The following EDIL3 variants were observed in gnomAD, a reference collection of about 807,000 sequenced individuals.
EDIL3 encodes the protein EGF like and discoidin domains 3, also known as EGF-like repeat and discoidin I-like domain-containing protein 3.
A neutral mutation model predicts 67.4 loss-of-function variants in EDIL3; 37 were observed. The observed-to-expected ratio is 0.55, with a 90% confidence interval of 0.42 to 0.72. The LOEUF (loss-of-function observed/expected upper bound fraction) is 0.72, where lower values mean the gene tolerates loss of function less well. Among genes scored for constraint, EDIL3 ranks in the 30% least tolerant of loss-of-function variants. The pLI, the probability that EDIL3 is intolerant of heterozygous loss-of-function variation, is 0.00. For synonymous variants in EDIL3, 195 were observed against 196.3 expected, an observed-to-expected ratio of 0.99 and a Z score of 0.05; for missense variants, 527 against 586.3, an observed-to-expected ratio of 0.90 and a Z score of 1.04.
intron 3 of EDIL3, among the ~76,000 whole-genome samples, chr5:84,184,755 G>A (rs1174316570): frequency 4.6e-5 from 7 of 152,204 alleles, no homozygotes; most frequent in Non-Finnish European, 1.0e-4. Flanking sequence ...TGAGGGCACA[G>A]GTGAAGCCTG....
At chr5:84,364,809 T>C (rs1747693003) in intron 1 of EDIL3, among the ~76,000 whole-genome samples, 1 of 152,056 alleles carries the variant, frequency 6.6e-6, no homozygotes, top group African/African-American at 2.4e-5. Flanking sequence ...TAGGTACAAA[T>C]TGATACAAAT....
At chr5:83,967,574 G>C (rs748421917) in intron 9 of EDIL3, among the ~76,000 whole-genome samples, 30 of 152,046 alleles carry the variant, frequency 2.0e-4, no homozygotes, top group South Asian at 1.7e-3. Flanking sequence ...AAACTTTTTT[G>C]TTGTAAAACA....
chr5:84,291,840 T>C (rs1326346306), intron 1 of EDIL3, among the ~76,000 whole-genome samples: 1 of 149,630 alleles, frequency 6.7e-6, no homozygotes, highest in Non-Finnish European at 1.5e-5. Flanking sequence ...CATATATATA[T>C]ATATACCTAC....
At chr5:84,248,045 TA>T (rs1744943799) in intron 2 of EDIL3, among the ~76,000 whole-genome samples, 1 of 152,164 alleles carries the variant, frequency 6.6e-6, no homozygotes, top group African/African-American at 2.4e-5. Flanking sequence ...TTAACTGCTA[TA>T]TCCTCAGTGC....
chr5:84,180,699 C>A (rs577609033), intron 3 of EDIL3, among the ~76,000 whole-genome samples, 178 bp from the exon 4 acceptor site: 1 of 152,258 alleles, frequency 6.6e-6, no homozygotes, highest in African/African-American at 2.4e-5. Flanking sequence ...CTTGGTTTCA[C>A]CACTTCACAG....
intron 6 of EDIL3, among the ~76,000 whole-genome samples, chr5:84,080,298 C>CAAGAAAAAAAAAA (rs1746941141): frequency 1.8e-5 from 1 of 54,284 alleles, no homozygotes; most frequent in Admixed American, 2.6e-4. Flanking sequence ...GACTCTGTCT[C>CAAGAAAAAAAAAA]AAAAAAAAAA....
intron 1 of EDIL3, among the ~76,000 whole-genome samples, chr5:84,370,587 T>C (rs979364306): frequency 2.6e-5 from 4 of 152,170 alleles, no homozygotes; most frequent in African/African-American, 9.7e-5. Context: ...GATAATAAAA[T>C]AAATAAAGTT....
intron 3 of EDIL3, among the ~76,000 whole-genome samples, chr5:84,205,768 T>C (rs347346): frequency 0.54 from 81,688 of 151,854 alleles, 22,149 homozygotes; most frequent in East Asian, 0.71. Context: ...ATCACCTTTA[T>C]CATTTTTTAT....
intron 9 of EDIL3, among the ~76,000 whole-genome samples, chr5:83,997,853 T>G (rs1397010680): frequency 1.3e-5 from 2 of 152,108 alleles, no homozygotes; most frequent in African/African-American, 4.8e-5. Flanking sequence ...ATTGTGGGAC[T>G]GTGCATTGGA....
At chr5:84,316,011 A>C (rs567833117) in intron 1 of EDIL3, among the ~76,000 whole-genome samples, 1 of 152,234 alleles carries the variant, frequency 6.6e-6, no homozygotes, top group South Asian at 2.1e-4. Flanking sequence ...AGCCAAACTA[A>C]GCTTCATAAG....
intron 9 of EDIL3, among the ~76,000 whole-genome samples, chr5:84,051,802 G>T (rs1051081397): frequency 1.3e-5 from 2 of 152,190 alleles, no homozygotes; most frequent in African/African-American, 4.8e-5. Flanking sequence ...AGAAATATGG[G>T]ACTATGTGAA....
intron 3 of EDIL3, among the ~76,000 whole-genome samples, chr5:84,218,641 G>T (rs342414): frequency 6.6e-6 from 1 of 152,050 alleles, no homozygotes; most frequent in East Asian, 1.9e-4. Context: ...GCTCTTGGAC[G>T]GTGTTTCTTG....
At chr5:84,315,290 A>G (rs1746487610) in intron 1 of EDIL3, among the ~76,000 whole-genome samples, 1 of 152,222 alleles carries the variant, frequency 6.6e-6, no homozygotes, top group African/African-American at 2.4e-5. Flanking sequence ...TAATCATATC[A>G]GTTTAGAACT....
chr5:84,042,432 C>A (rs1746145653), intron 9 of EDIL3, among the ~76,000 whole-genome samples: 1 of 152,026 alleles, frequency 6.6e-6, no homozygotes, highest in Admixed American at 6.6e-5. Context: ...CAGGTGCCCG[C>A]CACCATGCCT....
At chr5:84,120,437 C>T (rs571850241) in intron 5 of EDIL3, among the ~76,000 whole-genome samples, 259 of 152,090 alleles carry the variant, frequency 1.7e-3, no homozygotes, top group Admixed American at 3.1e-3. Flanking sequence ...TAAAACACTA[C>T]TTTAAATATT....
chr5:84,092,154 A>C (rs1048685291), intron 6 of EDIL3, among the ~76,000 whole-genome samples: 1 of 152,172 alleles, frequency 6.6e-6, no homozygotes, highest in Non-Finnish European at 1.5e-5. Flanking sequence ...CATGAATGTG[A>C]CTGAGGTAGA....
intron 6 of EDIL3, among the ~76,000 whole-genome samples, chr5:84,088,024 AACAT>A (rs1747102297): frequency 6.6e-6 from 1 of 152,198 alleles, no homozygotes; most frequent in Admixed American, 6.5e-5. Context: ...CATTTCCCAG[AACAT>A]AATTGCTTGT....
intron 4 of EDIL3, among the ~76,000 whole-genome samples, chr5:84,147,217 T>C (rs1412503387): frequency 2.6e-5 from 4 of 152,178 alleles, no homozygotes; most frequent in African/African-American, 9.6e-5. Flanking sequence ...TTCAAAATGT[T>C]GCAGGTGACT....
At chr5:84,303,794 GTCTC>G (rs374460298) in intron 1 of EDIL3, among the ~76,000 whole-genome samples, 2 of 138,924 alleles carry the variant, frequency 1.4e-5, no homozygotes, top group African/African-American at 2.7e-5. Context: ...TGAACAGCAT[GTCTC>G]TCTCTCTCTC....
Sources: allele counts gnomAD v4.1 joint callset (sites outside exome capture counted in the v4.1 genomes callset), GRCh38; gene constraint gnomAD v4.1.1; transcripts MANE v1.5; gene names NCBI Gene and HGNC (gene_info 2026-07-23, HGNC 2026-07-21).